Variants in DCDC2B observed in about 807,000 individuals in gnomAD.
DCDC2B encodes the protein doublecortin domain containing 2B, also known as doublecortin domain-containing protein 2B.
Under a neutral mutation model 38.9 loss-of-function variants are expected in DCDC2B, and 41 were observed. The ratio of observed to expected loss-of-function variants is 1.05; its 90% CI spans 0.82 to 1.37. The LOEUF (loss-of-function observed/expected upper bound fraction) is 1.37. DCDC2B is among the 40% of genes most tolerant of loss of function. DCDC2B has a pLI of 0.00. For synonymous variants in DCDC2B, 181 were observed against 171.9 expected (o/e 1.05, Z -0.41); for missense variants, 453 against 427.2 (o/e 1.06, Z -0.53).
chr1:32,209,432 A>C, intron 1 of DCDC2B, 73 bp downstream of exon 1: 3 of 1,554,860 alleles, frequency 1.9e-6, no homozygotes, highest in Non-Finnish European at 2.6e-6. Flanking sequence ...AGTACCTACC[A>C]TGTATGTACC....
In DCDC2B at chr1:32,214,890, A is replaced by G; in HGVS notation, c.808A>G (p.Ile270Val). The G allele has an allele frequency of 6.2e-7, 1 of 1,613,938 alleles. No individual in the cohort carries two copies. The highest frequency in any genetic ancestry group is 1.1e-5 in the South Asian group (1 of 91,080). ...TTTCTATGCCAGACCCCAGCAGACC[A>G]TTCAGCCAAGAAGCAAGCTCCCCAC... is the stretch of plus-strand genomic sequence containing the variant. ...SAFYARPQQT[I>V]QPRSKLPTLS... The change falls in exon 7 of 9, where the codon ATT becomes GTT. Residue 270 changes from isoleucine (I) to valine (V), a missense_variant. By Grantham distance (29) the Ile-to-Val change is conservative (BLOSUM62 3). Transcript: ENST00000409358.
rs1440985919 is a variant in DCDC2B, at chr1:32,215,573, T to C, written c.954+30T>C. 1.1e-5 allele frequency: 18 copies of C among 1,602,608 alleles called. No individual in the cohort carries two copies. The Admixed American group carries it at 2.2e-4, about 20-fold the overall frequency. On this transcript the variant is annotated intron_variant, in intron 8 of 8. Coordinates refer to ENST00000409358, the MANE Select transcript of DCDC2B (RefSeq NM_001099434.2). ...GCTGTTGGATCAGGAAACAGTATGTTGGGGTGGGAGGAGCTCTGAGCTGGA... is the reference window on the plus strand; with the variant it reads ...GCTGTTGGATCAGGAAACAGTATGTCGGGGTGGGAGGAGCTCTGAGCTGGA...
Position 32,209,249 on chromosome 1 carries a change from TG to T in DCDC2B, c.157del (p.Val53CysfsTer19). Reference sequence around the variant, plus strand: ...CATCAGCTGTGCAGGCCCCACTGGCTGTGCGTGCCCTCTACACACCTTGTCA... The same window carrying T: ...CATCAGCTGTGCAGGCCCCACTGGCTTGCGTGCCCTCTACACACCTTGTCA... ...VTSAVQAPLA[V>X]RALYTPCHGH... On this transcript the variant is annotated frameshift_variant, in exon 1 of 9. Coordinates refer to ENST00000409358, the MANE Select transcript of DCDC2B (RefSeq NM_001099434.2). LOFTEE classifies it high-confidence loss of function. 1 of 1,614,016 alleles carries T rather than the reference TG, an allele frequency of 6.2e-7. No individual in the cohort carries two copies. The highest frequency in any genetic ancestry group is 1.1e-5 in the South Asian group (1 of 91,078).
chr1:32,209,430 CCATGTATGTACCAG>C, intron 1 of DCDC2B, 71 bp downstream of exon 1: 5 of 1,564,010 alleles, frequency 3.2e-6, no homozygotes, highest in Non-Finnish European at 4.3e-6. Flanking sequence ...TCAGTACCTA[CCATGTATGTACCAG>C]CATGTTACTG....
chr1:32,209,204 G>A lies in DCDC2B; in HGVS notation c.111G>A (p.Glu37=). 1 of 1,614,038 alleles carries A rather than the reference G, an allele frequency of 6.2e-7. No homozygotes were observed. Among genetic ancestry groups the A allele is most frequent in the Non-Finnish European group, 8.5e-7 (1 of 1,179,888 alleles). Residue 37 remains glutamate (E), a synonymous_variant, in exon 1 of 9, where the codon GAG becomes GAA. Coordinates refer to ENST00000409358, the MANE Select transcript of DCDC2B (RefSeq NM_001099434.2). ...CTCAACGCCGCTTCCCCACCATGGA[G>A]GCCTTCCTCTGCGAGGTGACATCAG... ...VVTQRRFPTM[E]AFLCEVTSAV... is the part of the protein sequence containing the mutation.
intron 6 of DCDC2B, 154 bp from the exon 7 acceptor site, chr1:32,214,643 G>C: frequency 9.4e-7 from 1 of 1,068,204 alleles, no homozygotes; most frequent in Non-Finnish European, 1.3e-6. Flanking sequence ...GTGGGAAGAG[G>C]CAGCAAGGAG....
chr1:32,211,465 C>A, intron 2 of DCDC2B, 142 bp downstream of exon 2: 1 of 846,742 alleles, frequency 1.2e-6, no homozygotes, highest in Admixed American at 2.6e-5. Flanking sequence ...ACTATCTTTC[C>A]TGGGGCGTGG....
intron 8 of DCDC2B, 64 bp downstream of exon 8, chr1:32,215,607 G>A: frequency 6.8e-7 from 1 of 1,481,232 alleles, no homozygotes; most frequent in East Asian, 2.3e-5. Flanking sequence ...GAAACTGGCA[G>A]CCTTGGGCCC....
chr1:32,214,700 C>A, intron 6 of DCDC2B, 97 bp from the exon 7 acceptor site: 1 of 1,529,680 alleles, frequency 6.5e-7, no homozygotes, highest in Non-Finnish European at 8.8e-7. Context: ...CTGCCATGTT[C>A]CTGCAGGCGT....
chr1:32,211,534 C>T lies in DCDC2B; in HGVS notation c.318+211C>T, dbSNP rs574335331. 7.2e-5 allele frequency among the ~76,000 whole-genome samples: 11 copies of T among 152,214 alleles called. No homozygotes were observed. In the South Asian group the frequency reaches 2.1e-3, roughly 29 times the overall value. ...GCCTTTAACTCCACACTGGGGTCCC[C>T]AAAGGAAAGAGAAAGATGTGAAACA... On this transcript the variant is annotated intron_variant, in intron 2 of 8. Coordinates refer to ENST00000409358, the MANE Select transcript of DCDC2B (RefSeq NM_001099434.2).
In DCDC2B at chr1:32,214,790, TCTCTAGGC is replaced by T. The variant is rs755308410; in HGVS notation, c.715-5_717del. The T allele has an allele frequency of 6.2e-6, 10 of 1,613,826 alleles. No individual in the cohort carries two copies. On this transcript the variant is annotated splice_acceptor_variant and splice_polypyrimidine_tract_variant and coding_sequence_variant and intron_variant, in exon 7 of 9. Transcript: ENST00000409358. LOFTEE classifies it high-confidence loss of function. ...ATCAGGGTCCAAGCCCAGTGTCCCTTCTCTAGGCCCAAGGCCACAGGGCCCAGGTAACC... is the reference window on the plus strand; with the variant it reads ...ATCAGGGTCCAAGCCCAGTGTCCCTTCCAAGGCCACAGGGCCCAGGTAACC...
intron 8 of DCDC2B, 112 bp from the exon 9 acceptor site, chr1:32,215,690 C>G: frequency 9.1e-7 from 1 of 1,098,020 alleles, no homozygotes; most frequent in Non-Finnish European, 1.3e-6. Flanking sequence ...AATGAGGAAG[C>G]AGTTCCTAAT....
In DCDC2B at chr1:32,211,125, A is replaced by G. The variant is rs1643566564; in HGVS notation, c.267-147A>G. On this transcript the variant is annotated intron_variant, in intron 1 of 8. Coordinates refer to ENST00000409358, the MANE Select transcript of DCDC2B (RefSeq NM_001099434.2). Reference sequence around the variant, plus strand: ...GGGTCCTAGGGCAGGTTCAGCTGCCAATATCTTGTTTCTGGACTGAGATGA... The same window carrying G: ...GGGTCCTAGGGCAGGTTCAGCTGCCGATATCTTGTTTCTGGACTGAGATGA... 3.9e-6 allele frequency: 3 copies of G among 777,682 alleles called. No homozygotes were observed. The Admixed American group carries it at 6.5e-5, about 17-fold the overall frequency. 48.2% of individuals were successfully genotyped at this position (777,682 alleles called of 1,614,324 possible). A position where few individuals can be genotyped will look rare whatever the true frequency, so the allele number is the denominator to read the frequency against.
In DCDC2B at chr1:32,211,835, CCAGT is replaced by C; in HGVS notation, c.394_395+2del. ...TGCCTGCAGGTGCTCCCAGCTATAT[CCAGT>C]GAGTGCCAGTGTGAGGGAGCAGGGG... On this transcript the variant is annotated splice_donor_variant and coding_sequence_variant, in exon 3 of 9. Coordinates refer to ENST00000409358, the MANE Select transcript of DCDC2B (RefSeq NM_001099434.2). LOFTEE classifies it high-confidence loss of function. 6.2e-7 allele frequency: 1 copy of C among 1,606,324 alleles called. No homozygotes were observed. Among genetic ancestry groups the C allele is most frequent in the Non-Finnish European group, 8.5e-7 (1 of 1,176,516 alleles).
intron 7 of DCDC2B, 187 bp downstream of exon 7, chr1:32,215,119 A>G (rs932837644): frequency 7.1e-6 from 6 of 840,626 alleles, no homozygotes; most frequent in Non-Finnish European, 1.1e-5. Flanking sequence ...GTAAAAAAAA[A>G]AAAAGCTGGT....
chr1:32,210,337 A>AAG (rs2124205385), intron 1 of DCDC2B, among the ~76,000 whole-genome samples: 2 of 151,146 alleles, frequency 1.3e-5, no homozygotes, highest in East Asian at 3.9e-4. Flanking sequence ...AAAAAAAAAA[A>AAG]AAAAAAAAAA....
chr1:32,209,305 TGAA>T lies in DCDC2B; in HGVS notation c.216_218del (p.Lys72del), dbSNP rs748726107. 2.5e-6 allele frequency: 4 copies of T among 1,613,926 alleles called. No individual in the cohort carries two copies. The highest frequency in any genetic ancestry group is 3.4e-6 in the Non-Finnish European group (4 of 1,179,884). ...CACCCTGTCACCAACCTGGCAGACT[TGAA>T]GAACAGAGGGCAGTATGTGGCCGCT... On this transcript the variant is annotated inframe_deletion, in exon 1 of 9. Transcript: ENST00000409358.
intron 1 of DCDC2B, among the ~76,000 whole-genome samples, chr1:32,210,037 A>G (rs1643516787): frequency 6.6e-6 from 1 of 152,116 alleles, no homozygotes; most frequent in Non-Finnish European, 1.5e-5. Flanking sequence ...TACTAAAAAT[A>G]CAAAAATTGG....
At chr1:32,215,766 A>G in intron 8 of DCDC2B, 36 bp from the exon 9 acceptor site, 2 of 1,486,630 alleles carry the variant, frequency 1.3e-6, no homozygotes, top group Non-Finnish European at 1.8e-6. Context: ...GGCCATACTC[A>G]CGGCTCCATT....
Sources: gnomAD v4.1 joint callset for allele counts (sites outside exome capture counted in the v4.1 genomes callset) on GRCh38, gnomAD v4.1.1 for gene constraint, MANE v1.5 for transcripts, NCBI Gene and HGNC (gene_info 2026-07-23, HGNC 2026-07-21) for gene names.